Variants in ATRNL1 observed in about 807,000 individuals in gnomAD.
ATRNL1 encodes the protein attractin like 1, also known as attractin-like protein 1.
In ATRNL1, 95 loss-of-function variants were observed where a neutral mutation model predicts 182.7. The ratio of observed to expected loss-of-function variants is 0.52; its 90% CI spans 0.44 to 0.62. The LOEUF (loss-of-function observed/expected upper bound fraction) is 0.62, where lower values mean the gene tolerates loss of function less well. ATRNL1 is among the 20% of genes least tolerant of loss of function. The probability of loss-of-function intolerance (pLI) is 0.00; values close to 1 mark genes in which losing one functional copy is unlikely to be tolerated. For synonymous variants in ATRNL1, 576 were observed against 568.3 expected, an observed-to-expected ratio of 1.01 and a Z score of -0.19; for missense variants, 1,471 against 1,679.5, an observed-to-expected ratio of 0.88 and a Z score of 2.17.
chr10:115,644,873 G>C (rs1859500268), intron 26 of ATRNL1, among the ~76,000 whole-genome samples: 1 of 152,010 alleles, frequency 6.6e-6, no homozygotes, highest in Non-Finnish European at 1.5e-5. Context: ...ATGCTTAATT[G>C]GGGAAACTTC....
intron 28 of ATRNL1, among the ~76,000 whole-genome samples, chr10:115,873,656 C>T (rs572889324): frequency 1.3e-5 from 2 of 152,154 alleles, no homozygotes; most frequent in Non-Finnish European, 2.9e-5. Flanking sequence ...CACCTCGTTT[C>T]TCCAAAGCTT....
intron 8 of ATRNL1, among the ~76,000 whole-genome samples, chr10:115,180,899 T>C (rs1847723929): frequency 6.6e-6 from 1 of 151,962 alleles, no homozygotes; most frequent in South Asian, 2.1e-4. Flanking sequence ...AGTTTAGGCT[T>C]TGTATCCTAC....
chr10:115,297,879 A>G (rs910388521), intron 15 of ATRNL1, among the ~76,000 whole-genome samples: 3 of 152,058 alleles, frequency 2.0e-5, no homozygotes, highest in Admixed American at 1.3e-4. Flanking sequence ...ATATTTCAAG[A>G]TTGTTATGTT....
chr10:115,256,579 A>G (rs543882598), intron 10 of ATRNL1, among the ~76,000 whole-genome samples: 1 of 152,202 alleles, frequency 6.6e-6, no homozygotes, highest in East Asian at 1.9e-4. Flanking sequence ...AATCTTTTCA[A>G]AAAACCAGCT....
chr10:115,532,628 G>T lies in ATRNL1; in HGVS notation c.3716+13304G>T, dbSNP rs548201711. 8.6e-5 allele frequency among the ~76,000 whole-genome samples: 13 copies of T among 150,686 alleles called. No individual in the cohort carries two copies. The East Asian group carries it at 2.6e-3, about 30-fold the overall frequency. ...TGAATACCCTTTATTTCCTTCTCCTGCCTAATTGCCCTGGCCAGAACTTCC... is the reference window on the plus strand; with the variant it reads ...TGAATACCCTTTATTTCCTTCTCCTTCCTAATTGCCCTGGCCAGAACTTCC... On this transcript the variant is annotated intron_variant, in intron 25 of 28. Coordinates refer to ENST00000355044, the MANE Select transcript of ATRNL1 (RefSeq NM_207303.4).
At chr10:115,671,369 T>A (rs1470557427) in intron 26 of ATRNL1, among the ~76,000 whole-genome samples, 4 of 152,096 alleles carry the variant, frequency 2.6e-5, no homozygotes, top group African/African-American at 9.7e-5. Context: ...AAGTAATGGA[T>A]AGAGTAGATG....
intron 20 of ATRNL1, among the ~76,000 whole-genome samples, chr10:115,422,824 A>G (rs1321441571): frequency 6.6e-6 from 1 of 152,216 alleles, no homozygotes; most frequent in South Asian, 2.1e-4. Context: ...CATTTTGTAC[A>G]TACGAACATA....
intron 7 of ATRNL1, among the ~76,000 whole-genome samples, chr10:115,166,458 ATT>A (rs879988774): frequency 7.1e-6 from 1 of 141,120 alleles, no homozygotes. Flanking sequence ...TCTATGTTTA[ATT>A]TTTTTTTTTT....
At chr10:115,097,485 A>G (rs1426950378) in intron 1 of ATRNL1, among the ~76,000 whole-genome samples, 2 of 151,794 alleles carry the variant, frequency 1.3e-5, no homozygotes, top group Non-Finnish European at 2.9e-5. Context: ...GACTCTTCTT[A>G]AAAATTTATA....
chr10:115,841,259 A>G (rs568400597), intron 27 of ATRNL1, among the ~76,000 whole-genome samples: 2 of 152,170 alleles, frequency 1.3e-5, no homozygotes, highest in African/African-American at 4.8e-5. Flanking sequence ...AGGTGATAAA[A>G]CTGAAGCTGT....
At chr10:115,410,584 G>C (rs12260269) in intron 20 of ATRNL1, among the ~76,000 whole-genome samples, 1 of 151,716 alleles carries the variant, frequency 6.6e-6, no homozygotes, top group African/African-American at 2.4e-5. Flanking sequence ...CTTCCAAAGT[G>C]CTGGGATTAC....
chr10:115,778,395 C>T lies in ATRNL1; in HGVS notation c.3903+51040C>T, dbSNP rs182318074. The stretch of plus-strand genomic sequence containing the variant: ...CCATTTAAAAAGACCAGATAAAATG[C>T]TAAGTGAATTCAGTGAAGAGTTTTC... On this transcript the variant is annotated intron_variant, in intron 27 of 28. Transcript: ENST00000355044. Among the ~76,000 whole-genome samples, 10 of 152,106 alleles carry T rather than the reference C, an allele frequency of 6.6e-5. No homozygotes were observed. In the East Asian group the frequency reaches 1.9e-3, roughly 29 times the overall value.
At chr10:115,417,958 C>G (rs1197927099) in intron 20 of ATRNL1, among the ~76,000 whole-genome samples, 1 of 152,144 alleles carries the variant, frequency 6.6e-6, no homozygotes, top group Non-Finnish European at 1.5e-5. Context: ...AAAAACAAAA[C>G]TAGACTAGGA....
intron 28 of ATRNL1, among the ~76,000 whole-genome samples, chr10:115,882,781 A>G (rs1360996049): frequency 6.6e-6 from 1 of 152,194 alleles, no homozygotes; most frequent in African/African-American, 2.4e-5. Context: ...GGCATTAGCC[A>G]CTTTGTATGG....
intron 20 of ATRNL1, among the ~76,000 whole-genome samples, chr10:115,405,826 A>G (rs1485858283): frequency 1.4e-5 from 2 of 143,986 alleles, no homozygotes; most frequent in Non-Finnish European, 3.0e-5. Context: ...ATATCTCCAA[A>G]TGCTATCCCT....
At chr10:115,933,196 C>T (rs1555122086) in intron 28 of ATRNL1, among the ~76,000 whole-genome samples, 1 of 152,222 alleles carries the variant, frequency 6.6e-6, no homozygotes, top group African/African-American at 2.4e-5. Flanking sequence ...TTGCTAGACA[C>T]AAGATCAAGT....
chr10:115,407,728 C>T (rs922491479), intron 20 of ATRNL1, among the ~76,000 whole-genome samples: 2 of 151,988 alleles, frequency 1.3e-5, no homozygotes, highest in Non-Finnish European at 2.9e-5. Context: ...AATTTATTTT[C>T]CTTTGTATAA....
chr10:115,235,065 A>G (rs919070969), intron 9 of ATRNL1, among the ~76,000 whole-genome samples: 1 of 151,930 alleles, frequency 6.6e-6, no homozygotes, highest in African/African-American at 2.4e-5. Context: ...AGTCTCCTTT[A>G]ATTTGGAATA....
At chr10:115,698,746 C>A (rs1429864833) in intron 26 of ATRNL1, among the ~76,000 whole-genome samples, 2 of 151,788 alleles carry the variant, frequency 1.3e-5, no homozygotes, top group African/African-American at 2.4e-5. Flanking sequence ...CCACTGCATT[C>A]CAGCCTGGCA....
Sources: allele counts gnomAD v4.1 joint callset (sites outside exome capture counted in the v4.1 genomes callset), GRCh38; gene constraint gnomAD v4.1.1; transcripts MANE v1.5; gene names NCBI Gene and HGNC (gene_info 2026-07-23, HGNC 2026-07-21).